Variants in ZDHHC20 observed in about 807,000 individuals in gnomAD.
The protein encoded by ZDHHC20 is zDHHC palmitoyltransferase 20.
In ZDHHC20, 43 loss-of-function variants were observed where a neutral mutation model predicts 57.8. The ratio of observed to expected loss-of-function variants is 0.74; its 90% CI spans 0.58 to 0.96. ZDHHC20 has a LOEUF of 0.96. ZDHHC20 is among the 40% of genes least tolerant of loss of function. ZDHHC20 has a pLI of 0.00. For missense variants in ZDHHC20, 391 were observed against 441.1 expected (o/e 0.89, Z 1.02); for synonymous variants, 157 against 153.0 (o/e 1.03, Z -0.19).
chr13:21,413,776 T>C lies in ZDHHC20; in HGVS notation c.250-4A>G, dbSNP rs1010518669. 9 of 1,604,414 alleles carry C rather than the reference T, an allele frequency of 5.6e-6. No homozygotes were observed. In the African/African-American group the frequency reaches 9.4e-5, roughly 17 times the overall value. On this transcript the variant is annotated splice_polypyrimidine_tract_variant and splice_region_variant and intron_variant, in intron 3 of 12. Transcript: ENST00000400590. ...TTTCAGAATTGGACAAGTAGAACTATAAAAGGAAAGAGGACTATTAAATTT... is the reference window on the plus strand; with the variant it reads ...TTTCAGAATTGGACAAGTAGAACTACAAAAGGAAAGAGGACTATTAAATTT...
chr13:21,416,263 G>A (rs144506627), intron 3 of ZDHHC20, among the ~76,000 whole-genome samples: 5 of 147,098 alleles, frequency 3.4e-5, no homozygotes, highest in East Asian at 2.0e-4. Context: ...TAAACCAAAC[G>A]AAAATTTCAA....
At chr13:21,429,930 T>A (rs1187725520) in intron 1 of ZDHHC20, among the ~76,000 whole-genome samples, 1 of 152,220 alleles carries the variant, frequency 6.6e-6, no homozygotes, top group Non-Finnish European at 1.5e-5. Flanking sequence ...ATTTTCAGTT[T>A]AAAAATCTCC....
intron 1 of ZDHHC20, among the ~76,000 whole-genome samples, chr13:21,444,326 C>T (rs9509716): frequency 0.17 from 26,336 of 151,942 alleles, 2,748 homozygotes; most frequent in Non-Finnish European, 0.25. Context: ...GATAAATTGG[C>T]GTGCTAAAGA....
At chr13:21,435,250 T>C (rs534245658) in intron 1 of ZDHHC20, among the ~76,000 whole-genome samples, 3 of 152,304 alleles carry the variant, frequency 2.0e-5, no homozygotes, top group Non-Finnish European at 1.5e-5. Flanking sequence ...GTTTTTTCTA[T>C]TGTGCTTGGT....
intron 4 of ZDHHC20, among the ~76,000 whole-genome samples, chr13:21,412,358 G>A (rs1447590449): frequency 6.6e-6 from 1 of 152,146 alleles, no homozygotes; most frequent in Non-Finnish European, 1.5e-5. Context: ...TCACAATATT[G>A]TGGTACTAGA....
At chr13:21,456,353 T>C (rs2138081799) in intron 1 of ZDHHC20, among the ~76,000 whole-genome samples, 1 of 152,298 alleles carries the variant, frequency 6.6e-6, no homozygotes, top group South Asian at 2.1e-4. Context: ...GAGGTTGCAG[T>C]GAGCCAAGAT....
chr13:21,389,702 T>C (rs1875298312), intron 8 of ZDHHC20, among the ~76,000 whole-genome samples: 1 of 152,146 alleles, frequency 6.6e-6, no homozygotes. Context: ...CAAATGACAG[T>C]GTCCACACCC....
intron 8 of ZDHHC20, among the ~76,000 whole-genome samples, chr13:21,389,458 G>T (rs182985899): frequency 3.9e-5 from 6 of 152,230 alleles, no homozygotes; most frequent in Admixed American, 3.9e-4. Flanking sequence ...ATATAGTAGA[G>T]ATTAAAAAGG....
chr13:21,407,246 G>A (rs747846448), intron 4 of ZDHHC20, among the ~76,000 whole-genome samples: 6 of 151,956 alleles, frequency 3.9e-5, no homozygotes, highest in South Asian at 2.1e-4. Flanking sequence ...CACCTGCCTC[G>A]GCCTCCCAAA....
chr13:21,436,867 G>C (rs1160413171), intron 1 of ZDHHC20, among the ~76,000 whole-genome samples: 1 of 152,210 alleles, frequency 6.6e-6, no homozygotes, highest in Non-Finnish European at 1.5e-5. Flanking sequence ...AGTTAGCCAA[G>C]TTGTGAATGC....
At chr13:21,449,692 T>A (rs546804360) in intron 1 of ZDHHC20, among the ~76,000 whole-genome samples, 1 of 151,876 alleles carries the variant, frequency 6.6e-6, no homozygotes, top group Non-Finnish European at 1.5e-5. Context: ...TGGCCCAGGC[T>A]GGAGAGCAGT....
intron 3 of ZDHHC20, among the ~76,000 whole-genome samples, chr13:21,416,667 A>C (rs1880018499): frequency 6.6e-6 from 1 of 152,232 alleles, no homozygotes; most frequent in Non-Finnish European, 1.5e-5. Flanking sequence ...ATATCAATGA[A>C]AGTTTCTTGA....
chr13:21,408,952 T>C (rs1045401939), intron 4 of ZDHHC20, among the ~76,000 whole-genome samples: 2 of 152,260 alleles, frequency 1.3e-5, no homozygotes, highest in Non-Finnish European at 2.9e-5. Context: ...ATCCCAGGGA[T>C]GAAGCCAACT....
chr13:21,388,795 G>A (rs916696266), intron 8 of ZDHHC20, among the ~76,000 whole-genome samples: 8 of 152,140 alleles, frequency 5.3e-5, no homozygotes, highest in African/African-American at 1.9e-4. Flanking sequence ...CTGTGCACGC[G>A]GATAGAGGAT....
intron 12 of ZDHHC20, chr13:21,377,228 G>A (rs997946473): frequency 6.8e-6 from 1 of 146,500 alleles, no homozygotes; most frequent in Admixed American, 8.9e-5. Flanking sequence ...TAGTGCCTGC[G>A]ATCTGACTGC....
intron 1 of ZDHHC20, among the ~76,000 whole-genome samples, chr13:21,429,527 T>C (rs567058670): frequency 1.3e-5 from 2 of 152,348 alleles, no homozygotes; most frequent in South Asian, 2.1e-4. Context: ...TTTCAAGATT[T>C]TATATTTAGT....
intron 1 of ZDHHC20, among the ~76,000 whole-genome samples, chr13:21,450,077 A>C (rs1418657704): frequency 6.6e-6 from 1 of 152,120 alleles, no homozygotes; most frequent in Non-Finnish European, 1.5e-5. Context: ...GATTATCCAG[A>C]TGGAGAATGA....
At chr13:21,441,549 C>CTT (rs397851910) in intron 1 of ZDHHC20, among the ~76,000 whole-genome samples, 32 of 65,342 alleles carry the variant, frequency 4.9e-4, no homozygotes, top group Admixed American at 9.6e-4. Context: ...CCACGCCCGG[C>CTT]TTTTTTTTTT....
At chr13:21,399,255 G>C (rs1007857313) in intron 7 of ZDHHC20, among the ~76,000 whole-genome samples, 1 of 152,056 alleles carries the variant, frequency 6.6e-6, no homozygotes, top group African/African-American at 2.4e-5. Flanking sequence ...TGAGGCAGGA[G>C]AATCGCTTGA....
Sources: allele counts gnomAD v4.1 joint callset (sites outside exome capture counted in the v4.1 genomes callset), GRCh38; gene constraint gnomAD v4.1.1; transcripts MANE v1.5; gene names NCBI Gene and HGNC (gene_info 2026-07-23, HGNC 2026-07-21).